Variants in CACNA2D2 observed in about 807,000 individuals in gnomAD.
CACNA2D2 encodes calcium voltage-gated channel auxiliary subunit alpha2delta 2, also known as voltage-dependent calcium channel subunit alpha-2/delta-2.
Under a neutral mutation model 166.4 loss-of-function variants are expected in CACNA2D2, and 48 were observed. The ratio of observed to expected loss-of-function variants is 0.29; its 90% CI spans 0.23 to 0.37. The LOEUF (loss-of-function observed/expected upper bound fraction) is 0.37. CACNA2D2 is among the 10% of genes least tolerant of loss of function. CACNA2D2 has a pLI of 1.00. For synonymous variants in CACNA2D2, 561 were observed against 573.7 expected, an observed-to-expected ratio of 0.98 and a Z score of 0.32; for missense variants, 1,122 against 1,433.0, an observed-to-expected ratio of 0.78 and a Z score of 3.50.
At chr3:50,408,630 T>C (rs1183330955) in intron 3 of CACNA2D2, among the ~76,000 whole-genome samples, 1 of 152,210 alleles carries the variant, frequency 6.6e-6, no homozygotes, top group East Asian at 1.9e-4. Flanking sequence ...GGAGCCGTGG[T>C]GACAACATTT....
chr3:50,371,088 A>G (rs1311108669), intron 22 of CACNA2D2, among the ~76,000 whole-genome samples: 1 of 151,880 alleles, frequency 6.6e-6, no homozygotes, highest in Non-Finnish European at 1.5e-5. Flanking sequence ...AGTGCCAAGG[A>G]GTGTTCCCAC....
chr3:50,376,194 G>C lies in CACNA2D2; in HGVS notation c.1627-6C>G. ...ACATAGCCGTTGGCTCCAAGCTGGA[G>C]GCACAGATTGGGGGCTCAGGGTCTG... On this transcript the variant is annotated splice_region_variant and splice_polypyrimidine_tract_variant and intron_variant, in intron 17 of 37. Coordinates refer to ENST00000424201, the MANE Select transcript of CACNA2D2 (RefSeq NM_006030.4). This position sits in a 1 kb window ranked among gnomAD's most constrained non-coding sequence, Gnocchi z 4.3. The C allele has an allele frequency of 1.2e-6, 2 of 1,613,188 alleles. No individual in the cohort carries two copies. The highest frequency in any genetic ancestry group is 4.5e-5 in the East Asian group (2 of 44,874).
chr3:50,409,768 G>A (rs1685603178), intron 3 of CACNA2D2, among the ~76,000 whole-genome samples: 1 of 152,218 alleles, frequency 6.6e-6, no homozygotes, highest in Non-Finnish European at 1.5e-5. Context: ...GACACCCTGA[G>A]CCCTCTCTGA....
In CACNA2D2 at chr3:50,365,063, G is replaced by C. The variant is rs757601830; in HGVS notation, c.3208+12C>G. The C allele has an allele frequency of 1.2e-6, 2 of 1,606,566 alleles. No individual in the cohort carries two copies. Among genetic ancestry groups the C allele is most frequent in the Non-Finnish European group, 1.7e-6 (2 of 1,177,028 alleles). On this transcript the variant is annotated intron_variant, in intron 36 of 37. Transcript: ENST00000424201. This position sits in a 1 kb window ranked among gnomAD's most constrained non-coding sequence, Gnocchi z 4.5. Reference sequence around the variant, plus strand: ...GGGGGAGCGGGCGGCGGGGAGGGCGGGGGCAGGATACAGTGCGTCTCCTTC... The same window carrying C: ...GGGGGAGCGGGCGGCGGGGAGGGCGCGGGCAGGATACAGTGCGTCTCCTTC...
chr3:50,378,455 G>C (rs1705109547), intron 13 of CACNA2D2, 122 bp from the exon 14 acceptor site: 1 of 984,908 alleles, frequency 1.0e-6, no homozygotes, highest in Non-Finnish European at 1.6e-6. Flanking sequence ...CTCTTTTTGG[G>C]GTCCTCTCCC....
chr3:50,384,177 G>T lies in CACNA2D2; in HGVS notation c.652+19C>A, dbSNP rs749044638. On this transcript the variant is annotated intron_variant, in intron 6 of 37. Coordinates refer to ENST00000424201, the MANE Select transcript of CACNA2D2 (RefSeq NM_006030.4). ...CACAGCAGGTGGGATGGGCTGTCCC[G>T]ATTGCTCTGCACACTCACAGCCTTT... is the stretch of plus-strand genomic sequence containing the variant. The T allele has an allele frequency of 6.2e-7, 1 of 1,612,712 alleles. No individual in the cohort carries two copies. The highest frequency in any genetic ancestry group is 1.7e-4 in the Middle Eastern group (1 of 6,054).
chr3:50,436,103 G>A (rs1468898836), intron 2 of CACNA2D2, among the ~76,000 whole-genome samples: 1 of 152,174 alleles, frequency 6.6e-6, no homozygotes, highest in African/African-American at 2.4e-5. Flanking sequence ...GGAGAGGGAA[G>A]GTCAAGGCCA....
In CACNA2D2 at chr3:50,396,323, A is replaced by G. The variant is rs572924865; in HGVS notation, c.406-2155T>C. On this transcript the variant is annotated intron_variant, in intron 3 of 37. Transcript: ENST00000424201. ...CCGGAACCTGCATCCTCTCATCCTCATCACCTATTCTCCACACAACACCTG... is the reference window on the plus strand; with the variant it reads ...CCGGAACCTGCATCCTCTCATCCTCGTCACCTATTCTCCACACAACACCTG... Among the ~76,000 whole-genome samples the G allele has an allele frequency of 5.3e-5, 8 of 152,008 alleles. No individual in the cohort carries two copies. The East Asian group carries it at 1.6e-3, about 29-fold the overall frequency.
intron 3 of CACNA2D2, 75 bp from the exon 4 acceptor site, chr3:50,394,243 T>A: frequency 8.5e-7 from 1 of 1,179,882 alleles, no homozygotes; most frequent in African/African-American, 1.5e-5. Context: ...AGCCTCTCCA[T>A]CCCCAGCACT....
Position 50,370,330 on chromosome 3 carries a change from T to C in CACNA2D2, c.2035A>G (p.Ile679Val). 6.3e-7 allele frequency: 1 copy of C among 1,580,764 alleles called. No homozygotes were observed. The highest frequency in any genetic ancestry group is 8.6e-7 in the Non-Finnish European group (1 of 1,166,006). The change falls in exon 23 of 38, where the codon ATT (isoleucine) becomes GTT (valine). Residue 679 changes from isoleucine to valine, a missense_variant. Coordinates refer to ENST00000424201, the MANE Select transcript of CACNA2D2 (RefSeq NM_006030.4). ...CCACACGCAAGCTACCTGGGAGCAATGAAAACGTGTCCTTCAGACTCAAAG... is the reference window on the plus strand; with the variant it reads ...CCACACGCAAGCTACCTGGGAGCAACGAAAACGTGTCCTTCAGACTCAAAG... ...SSFESEGHVF[I>V]APREYCKDLN...
intron 5 of CACNA2D2, among the ~76,000 whole-genome samples, chr3:50,384,649 AG>A (rs1192101354): frequency 3.3e-5 from 5 of 152,034 alleles, no homozygotes; most frequent in Admixed American, 2.0e-4. Context: ...AAAACCAATT[AG>A]GAAAGGAGGC....
chr3:50,493,244 C>T (rs184778673), intron 1 of CACNA2D2, among the ~76,000 whole-genome samples: 448 of 152,312 alleles, frequency 2.9e-3, no homozygotes, highest in African/African-American at 0.01. Context: ...ACCCCATCCT[C>T]GGCTCAAGGG....
chr3:50,476,274 G>A (rs1364449765), intron 1 of CACNA2D2, 75 bp from the exon 2 acceptor site: 25 of 1,157,214 alleles, frequency 2.2e-5, no homozygotes, highest in Admixed American at 1.6e-4. Context: ...GCCAACCCGG[G>A]GGCACTGGGG....
chr3:50,421,092 A>G (rs562330004), intron 3 of CACNA2D2, among the ~76,000 whole-genome samples: 4 of 152,236 alleles, frequency 2.6e-5, no homozygotes, highest in South Asian at 2.1e-4. Flanking sequence ...GAGCTGGGGC[A>G]TGTGTTGAGG....
chr3:50,364,669 G>A lies in CACNA2D2; in HGVS notation c.3429C>T (p.Leu1143=). Residue 1143 remains leucine (L), a synonymous_variant, in exon 38 of 38, where the codon CTC becomes CTT. Transcript: ENST00000424201. ...PQVLVHASRR[L] is the part of the protein sequence containing the mutation. Reference sequence around the variant, plus strand: ...GAGGTGGGGTGGGGCAGGGTGCTCAGAGGCGGCGAGAGGCGTGGACGAGGA... The same window carrying A: ...GAGGTGGGGTGGGGCAGGGTGCTCAAAGGCGGCGAGAGGCGTGGACGAGGA... 6.6e-7 allele frequency: 1 copy of A among 1,524,488 alleles called. No individual in the cohort carries two copies. The highest frequency in any genetic ancestry group is 8.8e-7 in the Non-Finnish European group (1 of 1,134,082). The allele number at this position is 1,524,488 out of a possible 1,614,324, so 94.4% of individuals were successfully genotyped here.
chr3:50,443,287 C>G (rs1708691732), intron 2 of CACNA2D2, among the ~76,000 whole-genome samples: 1 of 152,162 alleles, frequency 6.6e-6, no homozygotes, highest in Non-Finnish European at 1.5e-5. Context: ...CTCTCTCCCG[C>G]TGCCTCCCCA....
chr3:50,470,603 G>A (rs866174615), intron 2 of CACNA2D2, among the ~76,000 whole-genome samples: 2 of 105,020 alleles, frequency 1.9e-5, no homozygotes, highest in East Asian at 1.0e-3. Context: ...AGGGGGCGGG[G>A]GGGGGGGGTG....
intron 1 of CACNA2D2, among the ~76,000 whole-genome samples, chr3:50,501,166 C>T (rs28372350): frequency 0.024 from 3,669 of 152,226 alleles, 164 homozygotes; most frequent in African/African-American, 0.083. Context: ...AACCTTCTGG[C>T]CCGAACAACA....
rs1386676294 is a variant in CACNA2D2, at chr3:50,365,585, C to T, written c.2971+48G>A. 6.3e-7 allele frequency: 1 copy of T among 1,576,386 alleles called. No homozygotes were observed. Among genetic ancestry groups the T allele is most frequent in the Non-Finnish European group, 8.6e-7 (1 of 1,160,622 alleles). The stretch of plus-strand genomic sequence containing the variant: ...CCCTCCCCATGGAGTCGTCTTAGCT[C>T]AGATTGGGGACCCGGACTTGAGGAG... On this transcript the variant is annotated intron_variant, in intron 34 of 37. Coordinates refer to ENST00000424201, the MANE Select transcript of CACNA2D2 (RefSeq NM_006030.4). This position sits in a 1 kb window ranked among gnomAD's most constrained non-coding sequence, Gnocchi z 4.5.
Sources: gnomAD v4.1 joint callset for allele counts (sites outside exome capture counted in the v4.1 genomes callset) on GRCh38, gnomAD v4.1.1 for gene constraint, Gnocchi (gnomAD v3.1) non-coding constraint, MANE v1.5 for transcripts, NCBI Gene and HGNC (gene_info 2026-07-23, HGNC 2026-07-21) for gene names.